Variants in TRIOBP observed in about 807,000 individuals in gnomAD.
TRIOBP encodes the protein TRIO and F-actin binding protein, also known as TRIO and F-actin-binding protein.
Under a neutral mutation model 238.8 loss-of-function variants are expected in TRIOBP, and 169 were observed. That is an observed-to-expected ratio of 0.71 (90% CI 0.62 to 0.80). TRIOBP has a LOEUF of 0.80. Ranked by LOEUF, TRIOBP falls within the 30% of genes least tolerant of loss-of-function variation. The pLI, the probability that TRIOBP is intolerant of heterozygous loss-of-function variation, is 0.00. For synonymous variants in TRIOBP, 1,150 were observed against 1,274.4 expected (o/e 0.90, Z 2.08); for missense variants, 2,838 against 3,122.6 (o/e 0.91, Z 2.17).
At chr22:37,711,478 C>T (rs1158986606) in intron 4 of TRIOBP, among the ~76,000 whole-genome samples, 1 of 151,214 alleles carries the variant, frequency 6.6e-6, no homozygotes, top group Non-Finnish European at 1.5e-5. Flanking sequence ...GCTCGGGAGG[C>T]TGAGGCAGGA....
chr22:37,697,392 C>T (rs1430899945), intron 1 of TRIOBP, among the ~76,000 whole-genome samples, 196 bp from the exon 2 acceptor site: 1 of 152,084 alleles, frequency 6.6e-6, no homozygotes, highest in African/African-American at 2.4e-5. Flanking sequence ...TCCTGCTAGG[C>T]GACGCTCCTT....
At chr22:37,742,491 G>T (rs1484910113) in intron 11 of TRIOBP, among the ~76,000 whole-genome samples, 2 of 152,132 alleles carry the variant, frequency 1.3e-5, no homozygotes, top group East Asian at 3.9e-4. Context: ...TCCAACTCCT[G>T]ACTTCAAGTG....
At chr22:37,699,043 C>G (rs1922505138) in intron 2 of TRIOBP, among the ~76,000 whole-genome samples, 1 of 151,942 alleles carries the variant, frequency 6.6e-6, no homozygotes, top group East Asian at 1.9e-4. Context: ...ACTGGGGAGG[C>G]TGAGGTAGAA....
At position 37,725,232 on chromosome 22, in the gene TRIOBP, C is replaced by T. The variant is rs1410673895; in HGVS notation, c.2676C>T (p.Pro892=). The change falls in exon 7 of 24, where the codon CCC becomes CCT. Residue 892 remains proline (P), a synonymous_variant. Transcript: ENST00000644935. ...ACCGCTCCACTCAATGGAACAATCC[C>T]AGGAATTCATCTCCCCATCGTACTA... is the stretch of plus-strand genomic sequence containing the variant. ...SPHRSTQWNN[P]RNSSPHRTNK... 6.2e-7 allele frequency: 1 copy of T among 1,614,046 alleles called. No homozygotes were observed. Among genetic ancestry groups the T allele is most frequent in the East Asian group, 2.2e-5 (1 of 44,884 alleles).
At chr22:37,773,761 C>T (rs1180818957) in intron 23 of TRIOBP, 22 bp from the exon 24 acceptor site, 1 of 152,784 alleles carries the variant, frequency 6.5e-6, no homozygotes, top group Non-Finnish European at 1.5e-5. Context: ...AGGCCTCAGC[C>T]CTGCCGCACC....
intron 18 of TRIOBP, among the ~76,000 whole-genome samples, chr22:37,767,652 T>A (rs373282689): frequency 6.6e-6 from 1 of 152,166 alleles, no homozygotes; most frequent in Non-Finnish European, 1.5e-5. Flanking sequence ...GCCTGAGCTC[T>A]TGACCACGAG....
In TRIOBP at chr22:37,769,070, G is replaced by A. The variant is rs61729061; in HGVS notation, c.6618G>A (p.Ser2206=). Residue 2206 remains serine (S), a synonymous_variant, in exon 20 of 24, where the codon TCG becomes TCA. Transcript: ENST00000644935. The part of the protein sequence containing the change: ...EALKRELQVL[S]EQYSQKCLEI... ...TGAAGCGAGAGCTGCAGGTGCTATC[G>A]GAGCAGTACTCGCAGAAGTGCCTGG... The A allele has an allele frequency of 1.7e-5, 28 of 1,613,466 alleles. No individual in the cohort carries two copies. The highest frequency in any genetic ancestry group is 6.7e-5 in the African/African-American group (5 of 74,950).
Position 37,768,107 on chromosome 22 carries a change from A to G in TRIOBP, c.6506A>G (p.Glu2169Gly), listed in dbSNP as rs781751066. 11 of 1,613,480 alleles carry G rather than the reference A, an allele frequency of 6.8e-6. No individual in the cohort carries two copies. The highest frequency in any genetic ancestry group is 9.3e-6 in the Non-Finnish European group (11 of 1,179,764). ...IEAMKKAYQE[E>G]LSRELSKTRS... Reference sequence around the variant, plus strand: ...GCCATGAAGAAGGCCTACCAGGAAGAGCTGAGCCGAGAGCTGAGCAAAACA... The same window carrying G: ...GCCATGAAGAAGGCCTACCAGGAAGGGCTGAGCCGAGAGCTGAGCAAAACA... The change falls in exon 19 of 24, where the codon GAG becomes GGG. Residue 2169 changes from glutamate (E) to glycine (G), a missense_variant. Glu to Gly is a moderately conservative substitution (Grantham distance 98). Transcript: ENST00000644935.
intron 11 of TRIOBP, among the ~76,000 whole-genome samples, chr22:37,742,050 C>A (rs144598502): frequency 1.3e-5 from 2 of 152,090 alleles, no homozygotes; most frequent in African/African-American, 4.8e-5. Flanking sequence ...CTCTGCCTCC[C>A]GGGTCCAAGT....
chr22:37,765,069 T>C lies in TRIOBP; in HGVS notation c.6325-601T>C, dbSNP rs143821540. ...AGGCCAAGGCCGGCAGATCACAAGG[T>C]CAGAAGTTCAAGACCATCCTGGCTA... On this transcript the variant is annotated intron_variant, in intron 17 of 23. Coordinates refer to ENST00000644935, the MANE Select transcript of TRIOBP (RefSeq NM_001039141.3). 1.2e-3 allele frequency among the ~76,000 whole-genome samples: 190 copies of C among 152,168 alleles called. 6 individuals are homozygous for C. In the East Asian group the frequency reaches 0.034, roughly 27 times the overall value.
chr22:37,727,736 T>C (rs1224488752), intron 7 of TRIOBP, among the ~76,000 whole-genome samples: 3 of 152,180 alleles, frequency 2.0e-5, no homozygotes, highest in Non-Finnish European at 4.4e-5. Flanking sequence ...CACAGAATTA[T>C]GGATTTTTAG....
At chr22:37,773,434 G>GGTCTC (rs1393791510) in intron 23 of TRIOBP, among the ~76,000 whole-genome samples, 2 of 152,070 alleles carry the variant, frequency 1.3e-5, no homozygotes, top group Admixed American at 1.3e-4. Context: ...TTCCCAGGCT[G>GGTCTC]GTCTCGAACT....
At chr22:37,743,802 T>A (rs1316384969) in intron 11 of TRIOBP, among the ~76,000 whole-genome samples, 2 of 8,360 alleles carry the variant, frequency 2.4e-4, no homozygotes, top group Non-Finnish European at 4.3e-4. Context: ...AGAGAGAGAA[T>A]GTGTGTGTGT....
At position 37,734,481 on chromosome 22, in the gene TRIOBP, G is replaced by C. The variant is rs763016139; in HGVS notation, c.4145G>C (p.Arg1382Thr). 10 of 1,612,586 alleles carry C rather than the reference G, an allele frequency of 6.2e-6. No homozygotes were observed. The Admixed American group carries it at 6.7e-5, about 11-fold the overall frequency. The change falls in exon 9 of 24, where the codon AGA becomes ACA. Residue 1382 changes from arginine to threonine, a missense_variant. Physicochemically the swap from Arg to Thr is moderately conservative, Grantham distance 71. This residue lies in a region of TRIOBP where 2,096 missense variants were observed against 2,137.4 expected (regional missense o/e 0.98). Transcript: ENST00000644935. ...CCTCATCCTTGGAGTCCTGAGAAGA[G>C]ACCTGAGGGAGATCGGCAGCTCCAG... ...EPPHPWSPEK[R>T]PEGDRQLQGS...
At chr22:37,746,044 CCCCGCCGTCCCGCCGT>C (rs1180717810) in intron 11 of TRIOBP, among the ~76,000 whole-genome samples, 31 of 134,622 alleles carry the variant, frequency 2.3e-4, no homozygotes, top group African/African-American at 5.5e-4. Context: ...CATCCGCCCA[CCCCGCCGTCCCGCCGT>C]CCCGCCGCCC....
rs533930704 is a variant in TRIOBP at position 37,763,898 on chromosome 22, G to A, written c.6325-1772G>A. Reference sequence around the variant, plus strand: ...GGACTGTGTTCCTCTGCAGGCACCCGTTGTATCCCTTGCCTGCTCCAGCTT... The same window carrying A: ...GGACTGTGTTCCTCTGCAGGCACCCATTGTATCCCTTGCCTGCTCCAGCTT... On this transcript the variant is annotated intron_variant, in intron 17 of 23. Transcript: ENST00000644935. Among the ~76,000 whole-genome samples the A allele has an allele frequency of 5.3e-5, 8 of 152,328 alleles. No individual in the cohort carries two copies. In the South Asian group the frequency reaches 1.0e-3, roughly 20 times the overall value.
At chr22:37,738,617 G>A (rs768172316) in intron 9 of TRIOBP, 25 bp from the exon 10 acceptor site, 3 of 1,612,182 alleles carry the variant, frequency 1.9e-6, no homozygotes, top group Non-Finnish European at 2.5e-6. Context: ...GTTGGGCTAA[G>A]CTGTGTTCTT....
At chr22:37,707,278 C>CA (rs1320537341) in intron 3 of TRIOBP, among the ~76,000 whole-genome samples, 4 of 151,274 alleles carry the variant, frequency 2.6e-5, no homozygotes, top group South Asian at 2.1e-4. Context: ...AACTCCATCT[C>CA]AAAAAAAACA....
chr22:37,734,037 T>G (rs1924545568), intron 8 of TRIOBP, among the ~76,000 whole-genome samples: 1 of 152,216 alleles, frequency 6.6e-6, no homozygotes, highest in African/African-American at 2.4e-5. Context: ...GCCCTCTCTT[T>G]CAGGGTAATT....
Sources: gnomAD v4.1 joint callset for allele counts (sites outside exome capture counted in the v4.1 genomes callset) on GRCh38, gnomAD v4.1.1 for gene constraint, gnomAD v4.1.1 regional missense constraint, MANE v1.5 for transcripts, NCBI Gene and HGNC (gene_info 2026-07-23, HGNC 2026-07-21) for gene names.